The following ADAMTS18 variants were observed in gnomAD, a reference collection of about 807,000 sequenced individuals.
The protein encoded by ADAMTS18 is ADAM metallopeptidase with thrombospondin type 1 motif 18.
ADAMTS18 carries 157 observed loss-of-function variants against 165.9 expected under a neutral mutation model. The observed-to-expected ratio is 0.95, with a 90% CI of 0.83 to 1.08. The LOEUF (loss-of-function observed/expected upper bound fraction) is 1.08. Among genes scored for constraint, ADAMTS18 ranks in the 50% least tolerant of loss-of-function variants. The pLI, the probability that ADAMTS18 is intolerant of heterozygous loss-of-function variation, is 0.00. For synonymous variants in ADAMTS18, 782 were observed against 578.2 expected (o/e 1.35, Z -5.06); for missense variants, 2,040 against 1,534.0 (o/e 1.33, Z -5.51).
At position 77,367,491 on chromosome 16, in the gene ADAMTS18, T is replaced by C; in HGVS notation, c.728A>G (p.Tyr243Cys). Residue 243 changes from tyrosine (Y) to cysteine (C), a missense_variant, in exon 4 of 23, where the codon TAT becomes TGT. Tyr to Cys is a radical substitution (Grantham distance 194). Coordinates refer to ENST00000282849, the MANE Select transcript of ADAMTS18 (RefSeq NM_199355.4). ...CTGCTTTTGCAACCTTCGATGGTGA[T>C]ACTCTGTCTCTCGACTCTGAGATGC... ...PHASQSRETE[Y>C]HHRRLQKQHF... is the part of the protein sequence containing the mutation. 2 of 1,614,230 alleles carry C rather than the reference T, an allele frequency of 1.2e-6. No individual in the cohort carries two copies. Among genetic ancestry groups the C allele is most frequent in the East Asian group, 2.2e-5 (1 of 44,884 alleles).
chr16:77,377,045 C>G (rs879275947), intron 3 of ADAMTS18, among the ~76,000 whole-genome samples: 2 of 152,088 alleles, frequency 1.3e-5, no homozygotes, highest in Non-Finnish European at 2.9e-5. Flanking sequence ...GAACTCCTGA[C>G]TTCAAGTGAT....
intron 3 of ADAMTS18, among the ~76,000 whole-genome samples, chr16:77,404,732 T>C (rs560776321): frequency 1.3e-5 from 2 of 152,256 alleles, no homozygotes; most frequent in Admixed American, 1.3e-4. Context: ...CTGTGATCCT[T>C]TGCGTCTAAG....
intron 10 of ADAMTS18, among the ~76,000 whole-genome samples, chr16:77,346,212 C>G (rs909893075): frequency 2.0e-5 from 3 of 152,316 alleles, no homozygotes; most frequent in East Asian, 3.9e-4. Context: ...TTATTCCAAA[C>G]TTACTTAGCA....
Position 77,300,280 on chromosome 16 carries a change from G to A in ADAMTS18, c.2657C>T (p.Ser886Phe). The A allele has an allele frequency of 6.2e-7, 1 of 1,614,058 alleles. No individual in the cohort carries two copies. The highest frequency in any genetic ancestry group is 8.5e-7 in the Non-Finnish European group (1 of 1,179,960). The change falls in exon 17 of 23, where the codon TCC (serine) becomes TTC (phenylalanine). Residue 886 changes from serine (S) to phenylalanine (F), a missense_variant. Coordinates refer to ENST00000282849, the MANE Select transcript of ADAMTS18 (RefSeq NM_199355.4). ...YTWSIVQSECSVSCGGGYINV... is the reference protein window; with the variant it reads ...YTWSIVQSECFVSCGGGYINV... The stretch of plus-strand genomic sequence containing the variant: ...TCATCTACCTCCACCACAGGAGACG[G>A]AGCACTCTGACTGCACGATACTCCA...
At chr16:77,384,592 G>A (rs548373849) in intron 3 of ADAMTS18, among the ~76,000 whole-genome samples, 5 of 152,224 alleles carry the variant, frequency 3.3e-5, no homozygotes, top group African/African-American at 1.2e-4. Context: ...GTTTTGAATG[G>A]AAAAGCCATA....
Position 77,400,460 on chromosome 16 carries a change from G to C in ADAMTS18, c.495+30835C>G, listed in dbSNP as rs866972532. Among the ~76,000 whole-genome samples, 1,154 of 135,188 alleles carry C rather than the reference G, an allele frequency of 8.5e-3. 8 individuals are homozygous for C. Among genetic ancestry groups the C allele is most frequent in the African/African-American group, 0.024 (813 of 33,796 alleles). The allele number at this position is 135,188 out of a possible 152,430, so 88.7% of individuals were successfully genotyped here. A position where few individuals can be genotyped will look rare whatever the true frequency, so the allele number is the denominator to read the frequency against. On this transcript the variant is annotated intron_variant, in intron 3 of 22. Transcript: ENST00000282849. The stretch of plus-strand genomic sequence containing the variant: ...TGTGTGTGTGTGTGTGTGTGTCTGT[G>C]TGTGTGTGTGTGTGTGTGTGTTTTG...
At chr16:77,431,079 A>T (rs535322204) in intron 3 of ADAMTS18, among the ~76,000 whole-genome samples, 108 of 152,374 alleles carry the variant, frequency 7.1e-4, no homozygotes, top group African/African-American at 2.4e-3. Flanking sequence ...ACCATTAAAC[A>T]TCAAAAGATT....
intron 3 of ADAMTS18, among the ~76,000 whole-genome samples, chr16:77,392,826 T>C (rs2057206842): frequency 6.6e-6 from 1 of 152,206 alleles, no homozygotes; most frequent in Non-Finnish European, 1.5e-5. Context: ...CAGGAATGTC[T>C]TTCATTTACT....
chr16:77,369,193 C>T (rs1442727104), intron 3 of ADAMTS18, among the ~76,000 whole-genome samples: 1 of 152,168 alleles, frequency 6.6e-6, no homozygotes, highest in East Asian at 1.9e-4. Flanking sequence ...TCTGTGGTAT[C>T]AGTTATGTCA....
intron 3 of ADAMTS18, among the ~76,000 whole-genome samples, chr16:77,375,890 CTTTTTTTTTTTTTTTTTTT>C (rs200629744): frequency 3.2e-5 from 3 of 93,904 alleles, no homozygotes; most frequent in African/African-American, 4.4e-5. Context: ...TCTTTCTTTC[CTTTTTTTTTTTTTTTTTTT>C]TTTTTTTTTT....
chr16:77,355,833 T>C, intron 9 of ADAMTS18, 107 bp downstream of exon 9: 1 of 1,333,020 alleles, frequency 7.5e-7, no homozygotes, highest in Non-Finnish European at 1.1e-6. Flanking sequence ...TTCTGTTTAT[T>C]GACAGGTCAA....
At chr16:77,289,937 A>G (rs1211459287) in intron 21 of ADAMTS18, among the ~76,000 whole-genome samples, 1 of 152,194 alleles carries the variant, frequency 6.6e-6, no homozygotes, top group African/African-American at 2.4e-5. Context: ...TGCAATTAAA[A>G]ATTTTCAAAA....
Position 77,326,174 on chromosome 16 carries a change from T to C in ADAMTS18, c.1860-136A>G, listed in dbSNP as rs111851544. 9.6e-4 allele frequency: 806 copies of C among 841,400 alleles called. 5 individuals carry two copies. In the African/African-American group the frequency reaches 0.012, roughly 12 times the overall value. The allele number at this position is 841,400 out of a possible 1,614,324, so 52.1% of individuals were successfully genotyped here. On this transcript the variant is annotated intron_variant, in intron 12 of 22. Transcript: ENST00000282849. Reference sequence around the variant, plus strand: ...AAAGGCATACAGTCTATTACAGGAATGGAAGTACATAGCATACAACTTAAC... The same window carrying C: ...AAAGGCATACAGTCTATTACAGGAACGGAAGTACATAGCATACAACTTAAC...
At chr16:77,363,353 T>C (rs1389066032) in intron 6 of ADAMTS18, among the ~76,000 whole-genome samples, 1 of 152,156 alleles carries the variant, frequency 6.6e-6, no homozygotes, top group Non-Finnish European at 1.5e-5. Flanking sequence ...AATTTTCTGA[T>C]GTCTTATTTT....
chr16:77,376,029 G>C (rs966752949), intron 3 of ADAMTS18, among the ~76,000 whole-genome samples: 2 of 151,276 alleles, frequency 1.3e-5, no homozygotes, highest in African/African-American at 4.9e-5. Flanking sequence ...TCAGTCTCCT[G>C]AGTAGCTGGG....
At position 77,335,873 on chromosome 16, in the gene ADAMTS18, C is replaced by G. The variant is rs768428958; in HGVS notation, c.1742G>C (p.Gly581Ala). The change falls in exon 12 of 23, where the codon GGG becomes GCG. Residue 581 changes from glycine to alanine, a missense_variant. Physicochemically the swap from Gly to Ala is moderately conservative, Grantham distance 60. Coordinates refer to ENST00000282849, the MANE Select transcript of ADAMTS18 (RefSeq NM_199355.4). ...GTGGATGGGCCGGGGCCCGAGCTCCCCAAACTTTACGCACTGGCCTTGCCG... is the reference window on the plus strand; with the variant it reads ...GTGGATGGGCCGGGGCCCGAGCTCCGCAAACTTTACGCACTGGCCTTGCCG... The part of the protein sequence containing the change: ...WCRQGQCVKF[G>A]ELGPRPIHGQ... 8.1e-6 allele frequency: 13 copies of G among 1,614,038 alleles called. No individual in the cohort carries two copies. In the Admixed American group the frequency reaches 2.2e-4, roughly 27 times the overall value.
chr16:77,321,838 T>C lies in ADAMTS18; in HGVS notation c.2163+498A>G, dbSNP rs772550190. On this transcript the variant is annotated intron_variant, in intron 14 of 22. Coordinates refer to ENST00000282849, the MANE Select transcript of ADAMTS18 (RefSeq NM_199355.4). ...AACTAAAATAATTGGACAAGGCTCA[T>C]GCAACAAGTAAATGAGGAACGTAGA... Among the ~76,000 whole-genome samples the C allele has an allele frequency of 3.9e-5, 6 of 152,148 alleles. No individual in the cohort carries two copies. In the South Asian group the frequency reaches 1.2e-3, roughly 32 times the overall value.
At chr16:77,362,968 C>A (rs1452507796) in intron 6 of ADAMTS18, among the ~76,000 whole-genome samples, 1 of 152,152 alleles carries the variant, frequency 6.6e-6, no homozygotes, top group East Asian at 1.9e-4. Flanking sequence ...ATTCCAAAAA[C>A]CATTTGACAA....
At chr16:77,345,458 A>G (rs2056462019) in intron 10 of ADAMTS18, among the ~76,000 whole-genome samples, 2 of 152,208 alleles carry the variant, frequency 1.3e-5, no homozygotes, top group South Asian at 4.1e-4. Flanking sequence ...AAATATTTCC[A>G]GAATCTGAAC....
Sources: gnomAD v4.1 joint callset for allele counts (sites outside exome capture counted in the v4.1 genomes callset) on GRCh38, gnomAD v4.1.1 for gene constraint, MANE v1.5 for transcripts, NCBI Gene and HGNC (gene_info 2026-07-23, HGNC 2026-07-21) for gene names.